The following INPP4B variants were observed in gnomAD, a reference collection of about 807,000 sequenced individuals.
INPP4B encodes the protein inositol polyphosphate-4-phosphatase type II B.
INPP4B carries 55 observed loss-of-function variants against 122.5 expected under a neutral mutation model. The observed-to-expected ratio is 0.45, with a 90% CI of 0.36 to 0.56. The LOEUF is 0.56. INPP4B is among the 20% of genes least tolerant of loss of function. The pLI, the probability that INPP4B is intolerant of heterozygous loss-of-function variation, is 0.00. For synonymous variants in INPP4B, 403 were observed against 388.7 expected (o/e 1.04, Z -0.43); for missense variants, 1,000 against 1,097.7 (o/e 0.91, Z 1.26).
intron 1 of INPP4B, among the ~76,000 whole-genome samples, chr4:142,757,923 T>A (rs1006655731): frequency 1.3e-5 from 2 of 152,150 alleles, no homozygotes; most frequent in Non-Finnish European, 2.9e-5. Flanking sequence ...AAAATGACAA[T>A]ATCTGGGCCC....
intron 9 of INPP4B, among the ~76,000 whole-genome samples, chr4:142,284,553 G>C (rs1172642972): frequency 6.6e-6 from 1 of 152,174 alleles, no homozygotes; most frequent in Non-Finnish European, 1.5e-5. Flanking sequence ...TAAATGTGGA[G>C]TGGGAACTTG....
intron 2 of INPP4B, among the ~76,000 whole-genome samples, chr4:142,611,648 T>C (rs1483368832): frequency 7.5e-6 from 1 of 133,100 alleles, no homozygotes; most frequent in East Asian, 2.2e-4. Flanking sequence ...TTTTTTTTTT[T>C]TTTTTTTTTT....
intron 3 of INPP4B, among the ~76,000 whole-genome samples, chr4:142,452,916 A>G (rs1580104328): frequency 6.6e-6 from 1 of 152,318 alleles, no homozygotes; most frequent in African/African-American, 2.4e-5. Flanking sequence ...CGGTTTAAAA[A>G]AAAAATGGAA....
At chr4:142,656,806 T>C (rs72726495) in intron 2 of INPP4B, among the ~76,000 whole-genome samples, 15,869 of 152,216 alleles carry the variant, frequency 0.1, 982 homozygotes, top group Non-Finnish European at 0.15. Flanking sequence ...TTTTTTTTCC[T>C]TTTAGAAGAT....
chr4:142,596,397 T>C (rs1300466822), intron 2 of INPP4B, among the ~76,000 whole-genome samples: 2 of 152,082 alleles, frequency 1.3e-5, no homozygotes, highest in South Asian at 2.1e-4. Context: ...CAATGACATA[T>C]GAAGAAGCTC....
intron 11 of INPP4B, among the ~76,000 whole-genome samples, chr4:142,252,186 ATTTTT>A (rs36065435): frequency 1.3e-4 from 12 of 90,236 alleles, no homozygotes; most frequent in African/African-American, 3.3e-4. Context: ...TATAGTAGTC[ATTTTT>A]TTTTTTTTTT....
At chr4:142,398,047 T>G (rs1799921089) in intron 7 of INPP4B, among the ~76,000 whole-genome samples, 2 of 151,722 alleles carry the variant, frequency 1.3e-5, no homozygotes, top group Non-Finnish European at 2.9e-5. Context: ...ATGGGCATTA[T>G]ACTTTCCTCA....
chr4:142,068,867 T>C (rs147937058), intron 25 of INPP4B, among the ~76,000 whole-genome samples: 3,881 of 151,948 alleles, frequency 0.026, 186 homozygotes, highest in African/African-American at 0.089. Context: ...ACTTAGACTC[T>C]CACACAATAA....
chr4:142,536,834 C>T (rs1032607106), intron 2 of INPP4B, among the ~76,000 whole-genome samples: 1 of 152,136 alleles, frequency 6.6e-6, no homozygotes, highest in Non-Finnish European at 1.5e-5. Context: ...ACTCTGTCAC[C>T]AGGCTGGAGT....
chr4:142,418,376 G>T (rs1286965615), intron 5 of INPP4B, among the ~76,000 whole-genome samples: 1 of 152,088 alleles, frequency 6.6e-6, no homozygotes, highest in African/African-American at 2.4e-5. Flanking sequence ...TCAGCCCATA[G>T]ATATTTATTG....
intron 1 of INPP4B, among the ~76,000 whole-genome samples, chr4:142,763,835 A>T (rs1030986652): frequency 2.6e-5 from 4 of 152,268 alleles, no homozygotes; most frequent in Non-Finnish European, 4.4e-5. Context: ...AAATTTTTTT[A>T]AAAAATCAGC....
intron 2 of INPP4B, among the ~76,000 whole-genome samples, chr4:142,613,756 C>G (rs982989489): frequency 6.6e-6 from 1 of 152,160 alleles, no homozygotes; most frequent in Non-Finnish European, 1.5e-5. Context: ...TGGCTAGCTT[C>G]ACTTGTCATT....
chr4:142,571,090 A>G (rs1262012488), intron 2 of INPP4B, among the ~76,000 whole-genome samples: 9 of 79,338 alleles, frequency 1.1e-4, no homozygotes, highest in Non-Finnish European at 1.9e-4. Flanking sequence ...CATGTTTCTC[A>G]AAAAAAAAAA....
intron 2 of INPP4B, among the ~76,000 whole-genome samples, chr4:142,483,505 T>A (rs1176213058): frequency 2.0e-5 from 3 of 152,052 alleles, no homozygotes; most frequent in Non-Finnish European, 2.9e-5. Context: ...GCATCATAGT[T>A]TCTCTAGGTC....
chr4:142,844,575 A>T (rs1783953366), intron 1 of INPP4B, among the ~76,000 whole-genome samples: 1 of 152,224 alleles, frequency 6.6e-6, no homozygotes, highest in South Asian at 2.1e-4. Context: ...GCTTTACAGG[A>T]TTATATCACA....
intron 2 of INPP4B, among the ~76,000 whole-genome samples, chr4:142,532,357 A>T (rs1389396307): frequency 6.6e-6 from 1 of 151,980 alleles, no homozygotes; most frequent in Non-Finnish European, 1.5e-5. Context: ...CTCTGCCGGG[A>T]CACCTTTTAC....
At chr4:142,628,557 T>TAAAAAAAAA (rs35955830) in intron 2 of INPP4B, among the ~76,000 whole-genome samples, 2 of 99,924 alleles carry the variant, frequency 2.0e-5, no homozygotes, top group African/African-American at 3.8e-5. Context: ...AAACTTAAAG[T>TAAAAAAAAA]AAAAAAAAAA....
intron 11 of INPP4B, 46 bp from the exon 12 acceptor site, chr4:142,238,057 A>G (rs777218322): frequency 2.1e-6 from 2 of 960,480 alleles, no homozygotes; most frequent in Non-Finnish European, 3.2e-6. Context: ...AAGCAAATGC[A>G]TGTCAGGTGA....
chr4:142,429,895 G>A (rs951838471), intron 4 of INPP4B, among the ~76,000 whole-genome samples: 4 of 152,086 alleles, frequency 2.6e-5, no homozygotes, highest in Non-Finnish European at 4.4e-5. Flanking sequence ...GATATGGGTA[G>A]ATGCCTAAAA....
Sources: gnomAD v4.1 joint callset for allele counts (sites outside exome capture counted in the v4.1 genomes callset) on GRCh38, gnomAD v4.1.1 for gene constraint, MANE v1.5 for transcripts, NCBI Gene and HGNC (gene_info 2026-07-23, HGNC 2026-07-21) for gene names.